Variants in MACROD2 observed in about 807,000 individuals in gnomAD.
MACROD2 encodes the protein ADP-ribose glycohydrolase MACROD2.
In MACROD2, 36 loss-of-function variants were observed where a neutral mutation model predicts 70.4. That is an observed-to-expected ratio of 0.51 (90% confidence interval 0.39 to 0.68). MACROD2 has a LOEUF of 0.68. Among genes scored for constraint, MACROD2 ranks in the 30% least tolerant of loss-of-function variants. The pLI, the probability that MACROD2 is intolerant of heterozygous loss-of-function variation, is 0.00. For missense variants in MACROD2, 496 were observed against 538.4 expected, an observed-to-expected ratio of 0.92 and a Z score of 0.78; for synonymous variants, 172 against 178.8, an observed-to-expected ratio of 0.96 and a Z score of 0.30.
chr20:15,198,496 T>TA (rs2076626485), intron 5 of MACROD2, among the ~76,000 whole-genome samples: 1 of 152,236 alleles, frequency 6.6e-6, no homozygotes, highest in African/African-American at 2.4e-5. Flanking sequence ...TATTATTTTT[T>TA]ATACCTATTT....
intron 13 of MACROD2, among the ~76,000 whole-genome samples, chr20:15,985,439 T>G (rs2095850): frequency 1.3e-5 from 2 of 152,070 alleles, no homozygotes; most frequent in Non-Finnish European, 2.9e-5. Flanking sequence ...GCAGGCACAC[T>G]GTGGGTGATC....
At chr20:14,397,033 C>T (rs1383032484) in intron 3 of MACROD2, among the ~76,000 whole-genome samples, 2 of 122,366 alleles carry the variant, frequency 1.6e-5, no homozygotes, top group Admixed American at 1.0e-4. Flanking sequence ...CTCGCTCTGT[C>T]GCCCAGGTTG....
intron 5 of MACROD2, among the ~76,000 whole-genome samples, chr20:15,078,925 C>T (rs1207651371): frequency 6.6e-6 from 1 of 152,058 alleles, no homozygotes; most frequent in Non-Finnish European, 1.5e-5. Flanking sequence ...GGATTATAGG[C>T]ATGAGCCACC....
intron 8 of MACROD2, among the ~76,000 whole-genome samples, chr20:15,654,996 C>G (rs2049705830): frequency 6.6e-6 from 1 of 152,128 alleles, no homozygotes; most frequent in African/African-American, 2.4e-5. Flanking sequence ...CCATGCTTCT[C>G]CACGGACTGC....
chr20:15,511,703 G>A (rs1011395295), intron 8 of MACROD2, among the ~76,000 whole-genome samples: 2 of 152,134 alleles, frequency 1.3e-5, no homozygotes, highest in Non-Finnish European at 2.9e-5. Context: ...CCTTAGGCTG[G>A]GCGGCTTCTT....
chr20:15,575,091 C>T (rs1358182036), intron 8 of MACROD2, among the ~76,000 whole-genome samples: 1 of 152,156 alleles, frequency 6.6e-6, no homozygotes, highest in East Asian at 1.9e-4. Flanking sequence ...TAGCCATTCT[C>T]TCCCAGTGAA....
intron 8 of MACROD2, among the ~76,000 whole-genome samples, chr20:15,835,875 T>C (rs76475704): frequency 0.051 from 7,799 of 152,286 alleles, 347 homozygotes; most frequent in East Asian, 0.21. Flanking sequence ...TTGTGGGGAT[T>C]AAATGAGATG....
chr20:14,949,772 A>T (rs1368247923), intron 5 of MACROD2, among the ~76,000 whole-genome samples: 1 of 152,190 alleles, frequency 6.6e-6, no homozygotes, highest in Non-Finnish European at 1.5e-5. Flanking sequence ...TTGGCACAAG[A>T]CTGATATAAT....
intron 8 of MACROD2, among the ~76,000 whole-genome samples, chr20:15,516,157 TTCTC>T (rs2047564426): frequency 6.7e-6 from 1 of 150,190 alleles, no homozygotes; most frequent in Non-Finnish European, 1.5e-5. Context: ...CTTTTAATTT[TTCTC>T]TCTTTTTTTA....
chr20:15,365,359 C>G (rs2045393690), intron 6 of MACROD2, among the ~76,000 whole-genome samples: 2 of 152,066 alleles, frequency 1.3e-5, no homozygotes, highest in South Asian at 4.1e-4. Flanking sequence ...AAATCCTAAG[C>G]CTTTTTAATA....
intron 3 of MACROD2, among the ~76,000 whole-genome samples, chr20:14,481,871 T>A (rs1365180398): frequency 1.3e-5 from 2 of 152,198 alleles, no homozygotes; most frequent in Non-Finnish European, 2.9e-5. Flanking sequence ...AAAGATCAAA[T>A]CTTAAACATT....
At chr20:15,387,101 T>G (rs2045723953) in intron 6 of MACROD2, among the ~76,000 whole-genome samples, 1 of 152,074 alleles carries the variant, frequency 6.6e-6, no homozygotes, top group Admixed American at 6.5e-5. Flanking sequence ...ACAGTAAGTG[T>G]GAGGAAAACA....
rs549178091 is a variant in MACROD2 at position 15,150,790 on chromosome 20, T to A, written c.419-79150T>A. On this transcript the variant is annotated intron_variant, in intron 5 of 17. Coordinates refer to ENST00000684519, the MANE Select transcript of MACROD2 (RefSeq NM_001351661.2). Reference sequence around the variant, plus strand: ...AGGGAAGCAGAATGTTTAGTTAAAGTGTCTCGGCCTAATAAGGGAACTGAG... The same window carrying A: ...AGGGAAGCAGAATGTTTAGTTAAAGAGTCTCGGCCTAATAAGGGAACTGAG... Among the ~76,000 whole-genome samples, 4 of 152,060 alleles carry A rather than the reference T, an allele frequency of 2.6e-5. No homozygotes were observed. The East Asian group carries it at 5.8e-4, about 22-fold the overall frequency.
chr20:15,134,890 C>A (rs954484778), intron 5 of MACROD2, among the ~76,000 whole-genome samples: 1 of 151,882 alleles, frequency 6.6e-6, no homozygotes. Context: ...ATATCACCAC[C>A]GATCCCACAG....
At chr20:15,412,676 G>T (rs1438863920) in intron 6 of MACROD2, among the ~76,000 whole-genome samples, 1 of 152,120 alleles carries the variant, frequency 6.6e-6, no homozygotes, top group East Asian at 1.9e-4. Context: ...AAAATTTCAG[G>T]CCTCTTAAAG....
At chr20:14,540,313 T>C (rs17812761) in intron 4 of MACROD2, among the ~76,000 whole-genome samples, 27,937 of 152,132 alleles carry the variant, frequency 0.18, 3,446 homozygotes, top group Non-Finnish European at 0.27. Flanking sequence ...TTGGAGACTA[T>C]GAAGTGTTTA....
intron 4 of MACROD2, among the ~76,000 whole-genome samples, chr20:14,574,375 C>A (rs960622543): frequency 3.9e-5 from 6 of 152,026 alleles, no homozygotes; most frequent in Admixed American, 3.9e-4. Flanking sequence ...ATTTACCCTG[C>A]CATTCATTCA....
chr20:14,260,972 T>C (rs1473272414), intron 3 of MACROD2, among the ~76,000 whole-genome samples: 1 of 150,980 alleles, frequency 6.6e-6, no homozygotes, highest in African/African-American at 2.4e-5. Context: ...TTAAGAGTAC[T>C]TGGGACAGGA....
At chr20:14,247,276 C>T (rs146749944) in intron 3 of MACROD2, among the ~76,000 whole-genome samples, 1 of 152,140 alleles carries the variant, frequency 6.6e-6, no homozygotes, top group African/African-American at 2.4e-5. Context: ...ATTTCCAGTG[C>T]GAGGCTCCTT....
Sources: allele counts gnomAD v4.1 joint callset (sites outside exome capture counted in the v4.1 genomes callset), GRCh38; gene constraint gnomAD v4.1.1; transcripts MANE v1.5; gene names NCBI Gene and HGNC (gene_info 2026-07-23, HGNC 2026-07-21).